The following PIAS4 variants were observed in gnomAD, a reference collection of about 807,000 sequenced individuals.
The protein encoded by PIAS4 is E3 SUMO-protein ligase PIAS4.
Under a neutral mutation model 58.0 loss-of-function variants are expected in PIAS4, and 7 were observed. The observed-to-expected ratio is 0.12, with a 90% CI of 0.07 to 0.23. The LOEUF (loss-of-function observed/expected upper bound fraction) is 0.23. PIAS4 is among the 10% of genes least tolerant of loss of function. The pLI is 1.00. For missense variants in PIAS4, 550 were observed against 709.5 expected (o/e 0.78, Z 2.55); for synonymous variants, 364 against 312.4 (o/e 1.17, Z -1.74).
chr19:4,038,422 T>G lies in PIAS4; in HGVS notation c.*547T>G, dbSNP rs2040327036. ...AGCGAGCGTTTTAGCCGAGAAGCCA[T>G]GGAGTGGGTTGGGGCGGGGAGGGGC... On this transcript the variant is annotated 3_prime_UTR_variant, in exon 11 of 11. Transcript: ENST00000262971. This position sits in a 1 kb window ranked among gnomAD's most constrained non-coding sequence, Gnocchi z 4.1. 1 of 32,110 alleles carries G rather than the reference T, an allele frequency of 3.1e-5. No homozygotes were observed. The highest frequency in any genetic ancestry group is 5.8e-5 in the Non-Finnish European group (1 of 17,290). 2.0% of individuals were successfully genotyped at this position (32,110 alleles called of 1,614,324 possible).
intron 7 of PIAS4, among the ~76,000 whole-genome samples, chr19:4,030,234 A>G (rs746577759): frequency 5.6e-5 from 8 of 143,874 alleles, no homozygotes; most frequent in Non-Finnish European, 1.1e-4. Context: ...AAGTGCTGGG[A>G]TTACAGTCTT....
At chr19:4,036,658 A>G (rs1341020533) in intron 9 of PIAS4, among the ~76,000 whole-genome samples, 1 of 144,926 alleles carries the variant, frequency 6.9e-6, no homozygotes, top group Non-Finnish European at 1.5e-5. Flanking sequence ...TCATACACAC[A>G]CATCTATACA....
intron 1 of PIAS4, among the ~76,000 whole-genome samples, chr19:4,008,438 C>T (rs1396255952): frequency 6.6e-6 from 1 of 152,130 alleles, no homozygotes; most frequent in East Asian, 1.9e-4. Flanking sequence ...TCTTCAGCTC[C>T]TGCATTGGTC....
At chr19:4,027,764 C>T (rs139734974) in intron 3 of PIAS4, among the ~76,000 whole-genome samples, 11 of 152,054 alleles carry the variant, frequency 7.2e-5, no homozygotes, top group East Asian at 1.9e-4. Flanking sequence ...TGCGCAGGCT[C>T]GTCTCAAATT....
chr19:4,029,811 ATTTTTTTTTTTTTTTTTT>A (rs1172132330), intron 7 of PIAS4, among the ~76,000 whole-genome samples: 6 of 55,002 alleles, frequency 1.1e-4, no homozygotes, highest in Non-Finnish European at 2.2e-4. Flanking sequence ...CACCCAACTA[ATTTTTTTTTTTTTTTTTT>A]TTTTTTTTTT....
At chr19:4,011,540 C>T (rs1371555558) in intron 1 of PIAS4, among the ~76,000 whole-genome samples, 2 of 152,260 alleles carry the variant, frequency 1.3e-5, no homozygotes, top group Non-Finnish European at 2.9e-5. Flanking sequence ...TGCCAAGCCT[C>T]ATTTGTCGCT....
intron 2 of PIAS4, among the ~76,000 whole-genome samples, chr19:4,016,017 G>A (rs1006869729): frequency 1.9e-4 from 29 of 152,326 alleles, no homozygotes; most frequent in African/African-American, 4.8e-4. Flanking sequence ...TGCGGAGAAC[G>A]GCCCAAGGTC....
In PIAS4 at chr19:4,007,747, C is replaced by T. The variant is rs1293248562; in HGVS notation, c.-14C>T. 4 of 1,215,624 alleles carry T rather than the reference C, an allele frequency of 3.3e-6. No individual in the cohort carries two copies. Among genetic ancestry groups the T allele is most frequent in the African/African-American group, 1.6e-5 (1 of 63,092 alleles). 75.3% of individuals were successfully genotyped at this position (1,215,624 alleles called of 1,614,324 possible). On this transcript the variant is annotated 5_prime_UTR_variant, in exon 1 of 11. The change creates a new upstream start codon in the 5' untranslated region. Coordinates refer to ENST00000262971, the MANE Select transcript of PIAS4 (RefSeq NM_015897.4). ...GGCTGGGGGCTCCCGGCGCGGGGGACGCTGGTGACCAAGATGGCGGCGGAG... is the reference window on the plus strand; with the variant it reads ...GGCTGGGGGCTCCCGGCGCGGGGGATGCTGGTGACCAAGATGGCGGCGGAG...
At chr19:4,034,717 T>C (rs2040258221) in intron 9 of PIAS4, among the ~76,000 whole-genome samples, 1 of 152,140 alleles carries the variant, frequency 6.6e-6, no homozygotes, top group Non-Finnish European at 1.5e-5. Flanking sequence ...TGGCGGCAGC[T>C]CTCACAGCTC....
chr19:4,032,383 C>CAGGG (rs1275307728), intron 7 of PIAS4, among the ~76,000 whole-genome samples: 1 of 152,144 alleles, frequency 6.6e-6, no homozygotes, highest in Non-Finnish European at 1.5e-5. Context: ...GGGGTCTCTC[C>CAGGG]TGAGCTACCC....
Position 4,037,331 on chromosome 19 carries a change from G to T in PIAS4, c.1143-43G>T, listed in dbSNP as rs755944059. 6.4e-7 allele frequency: 1 copy of T among 1,569,296 alleles called. No individual in the cohort carries two copies. Among genetic ancestry groups the T allele is most frequent in the South Asian group, 1.2e-5 (1 of 86,008 alleles). On this transcript the variant is annotated intron_variant, in intron 9 of 10. Coordinates refer to ENST00000262971, the MANE Select transcript of PIAS4 (RefSeq NM_015897.4). This position sits in a 1 kb window ranked among gnomAD's most constrained non-coding sequence, Gnocchi z 5.8. ...TGGAGGGCTGGGGAGTTGGGGGGGT[G>T]GGGCACCTCCAGCCCCGGCGTCAGC...
intron 9 of PIAS4, among the ~76,000 whole-genome samples, chr19:4,034,226 G>A (rs914054084): frequency 1.1e-4 from 17 of 152,250 alleles, no homozygotes; most frequent in Non-Finnish European, 2.4e-4. Flanking sequence ...AGGCCACAGC[G>A]GCACAAGCTG....
Position 4,037,961 on chromosome 19 carries a change from C to A in PIAS4, c.*86C>A. 1 of 1,382,828 alleles carries A rather than the reference C, an allele frequency of 7.2e-7. No individual in the cohort carries two copies. Among genetic ancestry groups the A allele is most frequent in the Non-Finnish European group, 9.7e-7 (1 of 1,033,812 alleles). 85.7% of individuals were successfully genotyped at this position (1,382,828 alleles called of 1,614,324 possible). ...GGGCGCAGAGGGAGGAGTGACCTTT[C>A]TTTTTCTTTTTATTGTCGTTCGTTT... On this transcript the variant is annotated 3_prime_UTR_variant, in exon 11 of 11. Coordinates refer to ENST00000262971, the MANE Select transcript of PIAS4 (RefSeq NM_015897.4). This position sits in a 1 kb window ranked among gnomAD's most constrained non-coding sequence, Gnocchi z 5.8.
chr19:4,034,085 C>T (rs1223044969), intron 9 of PIAS4, among the ~76,000 whole-genome samples: 3 of 152,258 alleles, frequency 2.0e-5, no homozygotes, highest in Admixed American at 2.0e-4. Flanking sequence ...CAAGACCTTT[C>T]TCCCTGGTGG....
Position 4,033,409 on chromosome 19 carries a change from C to T in PIAS4, c.982-11C>T. 1.9e-6 allele frequency: 3 copies of T among 1,547,644 alleles called. No individual in the cohort carries two copies. The highest frequency in any genetic ancestry group is 1.4e-5 in the African/African-American group (1 of 73,334). On this transcript the variant is annotated splice_polypyrimidine_tract_variant and intron_variant, in intron 8 of 10. Transcript: ENST00000262971. ...GAGGGGTGCCCTGCTCACGCAGCCC[C>T]TCCCCCACAGCTGGTGAAGATGCGG...
intron 2 of PIAS4, among the ~76,000 whole-genome samples, chr19:4,017,169 G>A (rs2144912961): frequency 6.6e-6 from 1 of 152,260 alleles, no homozygotes; most frequent in South Asian, 2.1e-4. Context: ...GGGAACAGGG[G>A]GACTCCGCCA....
At chr19:4,021,273 C>T (rs537664746) in intron 2 of PIAS4, among the ~76,000 whole-genome samples, 7 of 152,202 alleles carry the variant, frequency 4.6e-5, no homozygotes, top group African/African-American at 1.7e-4. Flanking sequence ...CTCAGCCTCC[C>T]GAGTAGCTGG....
At chr19:4,034,157 C>T (rs76752686) in intron 9 of PIAS4, among the ~76,000 whole-genome samples, 3,128 of 152,312 alleles carry the variant, frequency 0.021, 94 homozygotes, top group African/African-American at 0.067. Flanking sequence ...GTGCCTGATG[C>T]GGCTCCTGCC....
At chr19:4,031,750 C>A (rs1005121921) in intron 7 of PIAS4, among the ~76,000 whole-genome samples, 5 of 152,232 alleles carry the variant, frequency 3.3e-5, no homozygotes. Context: ...CTCTCTGTCA[C>A]TGGATTTCTT....
Sources: allele counts gnomAD v4.1 joint callset (sites outside exome capture counted in the v4.1 genomes callset), GRCh38; gene constraint gnomAD v4.1.1; non-coding constraint Gnocchi (gnomAD v3.1); transcripts MANE v1.5; gene names NCBI Gene and HGNC (gene_info 2026-07-23, HGNC 2026-07-21).